Variants in IKBIP observed in about 807,000 individuals in gnomAD.
IKBIP encodes IKBKB interacting protein, also known as inhibitor of nuclear factor kappa-B kinase-interacting protein.
IKBIP carries 28 observed loss-of-function variants against 31.0 expected under a neutral mutation model. The observed-to-expected ratio is 0.90, with a 90% CI of 0.67 to 1.24. IKBIP has a LOEUF of 1.24. IKBIP is among the 50% of genes most tolerant of loss of function. The pLI is 0.00. For missense variants in IKBIP, 453 were observed against 441.9 expected, an observed-to-expected ratio of 1.03 and a Z score of -0.23; for synonymous variants, 164 against 160.3, an observed-to-expected ratio of 1.02 and a Z score of -0.17.
rs149339015 is a variant in IKBIP at position 98,635,979 on chromosome 12, C to T, written c.180-1566G>A. Among the ~76,000 whole-genome samples, 9 of 152,330 alleles carry T rather than the reference C, an allele frequency of 5.9e-5. No homozygotes were observed. The East Asian group carries it at 1.7e-3, about 29-fold the overall frequency. Reference sequence around the variant, plus strand: ...TGGAAGCCCAAAAAGCTATCTCAATCTTCAAAACAACAAATCAACATCTGT... The same window carrying T: ...TGGAAGCCCAAAAAGCTATCTCAATTTTCAAAACAACAAATCAACATCTGT... On this transcript the variant is annotated intron_variant, in intron 1 of 2. Coordinates refer to ENST00000299157, the MANE Select transcript of IKBIP (RefSeq NM_153687.4).
At chr12:98,616,908 T>C (rs2097606587) in intron 2 of IKBIP, among the ~76,000 whole-genome samples, 1 of 152,132 alleles carries the variant, frequency 6.6e-6, no homozygotes, top group Admixed American at 6.6e-5. Flanking sequence ...TGAGATCGGG[T>C]AGTGTGATGT....
At position 98,625,899 on chromosome 12, in the gene IKBIP, G is replaced by T. The variant is rs765365118; in HGVS notation, c.*31C>A. The T allele has an allele frequency of 5.1e-6, 7 of 1,362,170 alleles. No homozygotes were observed. The highest frequency in any genetic ancestry group is 3.0e-5 in the African/African-American group (2 of 67,706). The allele number at this position is 1,362,170 out of a possible 1,614,324, so 84.4% of individuals were successfully genotyped here. On this transcript the variant is annotated 3_prime_UTR_variant, in exon 3 of 3. Coordinates refer to ENST00000299157, the MANE Select transcript of IKBIP (RefSeq NM_153687.4). ...ATGGACTAATCAATTTATGTATAAT[G>T]ATATGGTTCATCAGAATAAATGTCA...
Position 98,630,923 on chromosome 12 carries a change from CT to C in IKBIP, c.297+3372del, listed in dbSNP as rs1171644864. 2.0e-3 allele frequency among the ~76,000 whole-genome samples: 164 copies of C among 82,960 alleles called. 1 individual carries two copies. Among genetic ancestry groups the C allele is most frequent in the East Asian group, 7.9e-4 (2 of 2,536 alleles). The allele number at this position is 82,960 out of a possible 152,430, so 54.4% of individuals were successfully genotyped here. ...AAAGCTACGAAAAGACTGAATATTT[CT>C]TTTTTTTCTTTTCATTTTTTTTTTT... On this transcript the variant is annotated intron_variant, in intron 2 of 2. Transcript: ENST00000299157.
downstream of IKBIP, among the ~76,000 whole-genome samples, chr12:98,620,645 G>C (rs568690617): frequency 6.6e-6 from 1 of 152,244 alleles, no homozygotes; most frequent in African/African-American, 2.4e-5. Context: ...AATTACAGGC[G>C]TGGGCCACTG....
intron 2 of IKBIP, among the ~76,000 whole-genome samples, chr12:98,630,803 C>T (rs1458611351): frequency 1.3e-5 from 2 of 152,204 alleles, no homozygotes; most frequent in Non-Finnish European, 2.9e-5. Flanking sequence ...CCATGTCTAG[C>T]TGTTTTCCCC....
chr12:98,634,932 A>G (rs2097624452), intron 1 of IKBIP, among the ~76,000 whole-genome samples: 1 of 150,292 alleles, frequency 6.7e-6, no homozygotes, highest in African/African-American at 2.5e-5. Context: ...GATGCTCTCG[A>G]TCTCCTGACC....
intron 1 of IKBIP, among the ~76,000 whole-genome samples, chr12:98,637,201 TAAAAA>T (rs536119299): frequency 3.3e-5 from 5 of 151,250 alleles, no homozygotes; most frequent in African/African-American, 7.3e-5. Flanking sequence ...CTTACTAAAA[TAAAAA>T]AAAATTCATC....
At chr12:98,633,148 C>A (rs931209573) in intron 2 of IKBIP, among the ~76,000 whole-genome samples, 2 of 152,144 alleles carry the variant, frequency 1.3e-5, no homozygotes, top group African/African-American at 4.8e-5. Context: ...CATCCTTACC[C>A]ACCCTGGTGC....
At chr12:98,627,186 C>G (rs1425995540) in intron 2 of IKBIP, among the ~76,000 whole-genome samples, 1 of 151,516 alleles carries the variant, frequency 6.6e-6, no homozygotes, top group African/African-American at 2.4e-5. Context: ...CCAGGCTGGT[C>G]TTGAACTGTT....
At chr12:98,620,254 G>C (rs1391274380), downstream of IKBIP, among the ~76,000 whole-genome samples, 2 of 151,872 alleles carry the variant, frequency 1.3e-5, no homozygotes, top group Non-Finnish European at 2.9e-5. Flanking sequence ...ATATATTCAA[G>C]GTATGAGGTT....
chr12:98,615,130 A>T (rs2097605554), intron 2 of IKBIP, among the ~76,000 whole-genome samples: 1 of 152,236 alleles, frequency 6.6e-6, no homozygotes, highest in African/African-American at 2.4e-5. Flanking sequence ...ATACATATCT[A>T]CGCACATATT....
chr12:98,625,946 A>C lies in IKBIP; in HGVS notation c.1118T>G (p.Ile373Ser). The part of the protein sequence containing the change: ...LKEYNIENKG[I>S]GGDF ...GTCATGAATTTAAAAATCACCACCA[A>C]TTCCTTTATTTTCTATATTATATTC... Residue 373 changes from isoleucine to serine, a missense_variant, in exon 3 of 3, where the codon ATT (isoleucine) becomes AGT (serine). Physicochemically the swap from Ile to Ser is moderately radical, Grantham distance 142. Coordinates refer to ENST00000299157, the MANE Select transcript of IKBIP (RefSeq NM_153687.4). 4 of 1,389,746 alleles carry C rather than the reference A, an allele frequency of 2.9e-6. No individual in the cohort carries two copies. The highest frequency in any genetic ancestry group is 3.8e-6 in the Non-Finnish European group (4 of 1,045,176). 86.1% of individuals were successfully genotyped at this position (1,389,746 alleles called of 1,614,324 possible). A position where few individuals can be genotyped will look rare whatever the true frequency, so the allele number is the denominator to read the frequency against.
At position 98,626,306 on chromosome 12, in the gene IKBIP, T is replaced by TC; in HGVS notation, c.757dup (p.Glu253GlyfsTer5). ...GTCGGAAAGTTTATTAGTCAGATCT[T>TC]CATCTCTGGCAAAGAGGGCATGCTG... On this transcript the variant is annotated frameshift_variant, in exon 3 of 3. Coordinates refer to ENST00000299157, the MANE Select transcript of IKBIP (RefSeq NM_153687.4). LOFTEE classifies it high-confidence loss of function. 1.2e-6 allele frequency: 2 copies of TC among 1,614,190 alleles called. No homozygotes were observed. Among genetic ancestry groups the TC allele is most frequent in the Non-Finnish European group, 1.7e-6 (2 of 1,180,020 alleles).
downstream of IKBIP, among the ~76,000 whole-genome samples, chr12:98,620,781 G>C (rs1834580576): frequency 6.6e-6 from 1 of 152,144 alleles, no homozygotes; most frequent in African/African-American, 2.4e-5. Context: ...GGAGGCCAAG[G>C]ACGGAGGATC....
chr12:98,629,279 C>T (rs1009308293), intron 2 of IKBIP, among the ~76,000 whole-genome samples: 19 of 152,318 alleles, frequency 1.2e-4, no homozygotes, highest in Middle Eastern at 3.4e-3. Flanking sequence ...TGGTGGCTTA[C>T]GCCTTAATCC....
At position 98,626,344 on chromosome 12, in the gene IKBIP, C is replaced by T. The variant is rs969852768; in HGVS notation, c.720G>A (p.Lys240=). 1.4e-5 allele frequency: 22 copies of T among 1,614,022 alleles called. No homozygotes were observed. In the African/African-American group the frequency reaches 2.0e-4, roughly 15 times the overall value. Residue 240 remains lysine (K), a synonymous_variant, in exon 3 of 3, where the codon AAG becomes AAA. Transcript: ENST00000299157. The part of the protein sequence containing the change: ...QLGSDTKAIE[K]LEEEQHALFA... ...AGAGGGCATGCTGTTCCTCTTCTAA[C>T]TTTTCAATTGCCTTTGTATCAGAGC...
At chr12:98,626,813 C>A in intron 2 of IKBIP, 47 bp from the exon 3 acceptor site, 1 of 1,442,338 alleles carries the variant, frequency 6.9e-7, no homozygotes, top group South Asian at 1.3e-5. Context: ...TAATAATTTT[C>A]ATATTAGAGA....
At chr12:98,641,143 A>G (rs1359126624) in intron 1 of IKBIP, among the ~76,000 whole-genome samples, 1 of 152,160 alleles carries the variant, frequency 6.6e-6, no homozygotes, top group Non-Finnish European at 1.5e-5. Context: ...TTTTCTTTCC[A>G]CATAGGAAAT....
At chr12:98,626,799 T>C (rs1371497802) in intron 2 of IKBIP, 33 bp from the exon 3 acceptor site, 2 of 1,506,988 alleles carry the variant, frequency 1.3e-6, no homozygotes, top group Admixed American at 2.1e-5. Context: ...TTCCCAAGGC[T>C]ACTTAATAAT....
Sources: allele counts gnomAD v4.1 joint callset (sites outside exome capture counted in the v4.1 genomes callset), GRCh38; gene constraint gnomAD v4.1.1; transcripts MANE v1.5; gene names NCBI Gene and HGNC (gene_info 2026-07-23, HGNC 2026-07-21).